Variants in PPP1R21 observed in about 807,000 individuals in gnomAD.
The protein encoded by PPP1R21 is KLRAQ motif containing 1.
Under a neutral mutation model 112.8 loss-of-function variants are expected in PPP1R21, and 85 were observed. The ratio of observed to expected loss-of-function variants is 0.75; its 90% CI spans 0.63 to 0.90. The LOEUF (loss-of-function observed/expected upper bound fraction) is 0.90, where lower values mean the gene tolerates loss of function less well. PPP1R21 is among the 40% of genes least tolerant of loss of function. The probability of loss-of-function intolerance (pLI) is 0.00; values close to 1 mark genes in which losing one functional copy is unlikely to be tolerated. For synonymous variants in PPP1R21, 381 were observed against 322.3 expected, an observed-to-expected ratio of 1.18 and a Z score of -1.95; for missense variants, 1,199 against 901.5, an observed-to-expected ratio of 1.33 and a Z score of -4.23.
chr2:48,450,910 G>A, intron 1 of PPP1R21, 98 bp from the exon 2 acceptor site: 2 of 917,480 alleles, frequency 2.2e-6, no homozygotes, highest in Admixed American at 3.7e-5. Flanking sequence ...AAGCTACTTA[G>A]TTACTCAGTG....
chr2:48,514,708 T>G lies in PPP1R21; in HGVS notation c.2314-7T>G, dbSNP rs759311512. The G allele has an allele frequency of 6.3e-7, 1 of 1,597,120 alleles. No homozygotes were observed. Among genetic ancestry groups the G allele is most frequent in the South Asian group, 1.1e-5 (1 of 90,666 alleles). Reference sequence around the variant, plus strand: ...TGTTCTTATTGTTGATATTTTTCTTTGCACAGGGGAATTCTAAAAAGAACA... The same window carrying G: ...TGTTCTTATTGTTGATATTTTTCTTGGCACAGGGGAATTCTAAAAAGAACA... On this transcript the variant is annotated splice_region_variant and splice_polypyrimidine_tract_variant and intron_variant, in intron 21 of 21. Transcript: ENST00000294952.
chr2:48,454,824 C>A, intron 3 of PPP1R21, 83 bp downstream of exon 3: 3 of 1,024,324 alleles, frequency 2.9e-6, no homozygotes, highest in Non-Finnish European at 4.5e-6. Context: ...AACAGAAGAC[C>A]CCACTGCCGA....
At chr2:48,499,241 T>G (rs921249375) in intron 17 of PPP1R21, among the ~76,000 whole-genome samples, 3 of 152,242 alleles carry the variant, frequency 2.0e-5, no homozygotes, top group Non-Finnish European at 2.9e-5. Flanking sequence ...AAGCAGGATA[T>G]CTCCTTCAAA....
intron 11 of PPP1R21, among the ~76,000 whole-genome samples, chr2:48,474,158 G>A (rs952185310): frequency 2.6e-5 from 4 of 152,104 alleles, no homozygotes; most frequent in East Asian, 3.9e-4. Context: ...TGAGGCAGGC[G>A]GATCACCCGA....
chr2:48,451,974 T>C (rs1009040455), intron 2 of PPP1R21, among the ~76,000 whole-genome samples: 2 of 152,188 alleles, frequency 1.3e-5, no homozygotes, highest in Admixed American at 1.3e-4. Flanking sequence ...CCTCAGGTGC[T>C]GTTAGCACAC....
chr2:48,487,891 T>C (rs1301503196), intron 14 of PPP1R21, among the ~76,000 whole-genome samples: 1 of 152,170 alleles, frequency 6.6e-6, no homozygotes, highest in South Asian at 2.1e-4. Flanking sequence ...GAGAACATCC[T>C]ACATGTATAA....
rs776360878 is a variant in PPP1R21, at chr2:48,450,967, G to A, written c.58-41G>A. ...TGTGATTTCCTTGATATAACCAATTGCTTTATATTAGAAATTGATTATTGC... is the reference window on the plus strand; with the variant it reads ...TGTGATTTCCTTGATATAACCAATTACTTTATATTAGAAATTGATTATTGC... On this transcript the variant is annotated intron_variant, in intron 1 of 21. Coordinates refer to ENST00000294952, the MANE Select transcript of PPP1R21 (RefSeq NM_001135629.3). 9.1e-6 allele frequency: 14 copies of A among 1,539,046 alleles called. 1 individual carries two copies. In the South Asian group the frequency reaches 1.5e-4, roughly 16 times the overall value.
chr2:48,469,295 GTATGTA>G (rs1292875887), intron 9 of PPP1R21, among the ~76,000 whole-genome samples: 983 of 16,066 alleles, frequency 0.061, 84 homozygotes, highest in African/African-American at 0.12. Flanking sequence ...GTGTGTGTGT[GTATGTA>G]TATATATACA....
chr2:48,461,346 A>G, intron 7 of PPP1R21, 114 bp downstream of exon 7: 1 of 1,336,658 alleles, frequency 7.5e-7, no homozygotes, highest in Non-Finnish European at 9.6e-7. Flanking sequence ...GCCCCACAGA[A>G]GATTGCTTTC....
At position 48,465,000 on chromosome 2, in the gene PPP1R21, A is replaced by C; in HGVS notation, c.747+11A>C. 1 of 1,555,528 alleles carries C rather than the reference A, an allele frequency of 6.4e-7. No homozygotes were observed. The highest frequency in any genetic ancestry group is 8.6e-7 in the Non-Finnish European group (1 of 1,160,310). On this transcript the variant is annotated intron_variant, in intron 8 of 21. Transcript: ENST00000294952. The stretch of plus-strand genomic sequence containing the variant: ...AATAGGAGACACCAGGTAAAGGATG[A>C]AGTACATGTTTTTATTTTCAGTTAT...
At chr2:48,502,260 G>A (rs538667975) in intron 17 of PPP1R21, among the ~76,000 whole-genome samples, 2 of 152,236 alleles carry the variant, frequency 1.3e-5, no homozygotes, top group African/African-American at 4.8e-5. Flanking sequence ...GTGTAGGGGT[G>A]GAAAGGACCT....
chr2:48,514,590 A>C, intron 21 of PPP1R21, 125 bp from the exon 22 acceptor site: 1 of 726,730 alleles, frequency 1.4e-6, no homozygotes. Flanking sequence ...GTTATCAGCT[A>C]TTCTCCTTTT....
chr2:48,452,053 A>G (rs1464858632), intron 2 of PPP1R21, among the ~76,000 whole-genome samples: 1 of 152,234 alleles, frequency 6.6e-6, no homozygotes, highest in Non-Finnish European at 1.5e-5. Context: ...AGCCAAGATG[A>G]TTAAAAAAGA....
Position 48,463,392 on chromosome 2 carries a change from C to A in PPP1R21, c.695-1545C>A, listed in dbSNP as rs1668063420. Among the ~76,000 whole-genome samples the A allele has an allele frequency of 2.6e-5, 4 of 152,100 alleles. No individual in the cohort carries two copies. The South Asian group carries it at 8.3e-4, about 31-fold the overall frequency. On this transcript the variant is annotated intron_variant, in intron 7 of 21. Transcript: ENST00000294952. ...GTATCAAGGCGACTGGGTTTGGTGA[C>A]TGGATTTTGTGGCCTCGAGAGGACT...
intron 21 of PPP1R21, among the ~76,000 whole-genome samples, chr2:48,514,452 T>C (rs537309841): frequency 1.3e-5 from 2 of 152,318 alleles, no homozygotes; most frequent in East Asian, 3.9e-4. Flanking sequence ...AAATCCAAGA[T>C]AGTTGCTTTC....
chr2:48,468,534 C>G (rs1668305663), intron 9 of PPP1R21, among the ~76,000 whole-genome samples: 1 of 152,056 alleles, frequency 6.6e-6, no homozygotes, highest in Admixed American at 6.5e-5. Context: ...ATTTTCTGAC[C>G]AGACACAGTA....
chr2:48,448,196 A>G (rs1027250435), intron 1 of PPP1R21, among the ~76,000 whole-genome samples: 1 of 152,216 alleles, frequency 6.6e-6, no homozygotes, highest in Non-Finnish European at 1.5e-5. Context: ...TTTCTTAAAA[A>G]GCTGCATTGT....
At chr2:48,506,238 C>T (rs1159689469) in intron 18 of PPP1R21, among the ~76,000 whole-genome samples, 5 of 152,112 alleles carry the variant, frequency 3.3e-5, no homozygotes, top group Admixed American at 1.3e-4. Context: ...GGACTTCAGG[C>T]GCATGTCACC....
chr2:48,480,146 G>T, intron 13 of PPP1R21, 130 bp downstream of exon 13: 1 of 695,938 alleles, frequency 1.4e-6, no homozygotes, highest in Non-Finnish European at 2.6e-6. Context: ...TTTGGCTTAT[G>T]TTGAGTGCAC....
Sources: allele counts gnomAD v4.1 joint callset (sites outside exome capture counted in the v4.1 genomes callset), GRCh38; gene constraint gnomAD v4.1.1; transcripts MANE v1.5; gene names NCBI Gene and HGNC (gene_info 2026-07-23, HGNC 2026-07-21).